Variants in FOCAD observed in about 807,000 individuals in gnomAD.
The protein encoded by FOCAD is focadhesin.
Under a neutral mutation model 225.6 loss-of-function variants are expected in FOCAD, and 198 were observed. The ratio of observed to expected loss-of-function variants is 0.88; its 90% CI spans 0.78 to 0.99. The LOEUF is 0.99. Among genes scored for constraint, FOCAD ranks in the 50% least tolerant of loss-of-function variants. The probability of loss-of-function intolerance (pLI) is 0.00; values close to 1 mark genes in which losing one functional copy is unlikely to be tolerated. For missense variants in FOCAD, 2,713 were observed against 2,123.6 expected, an observed-to-expected ratio of 1.28 and a Z score of -5.46; for synonymous variants, 897 against 755.0, an observed-to-expected ratio of 1.19 and a Z score of -3.08.
chr9:20,901,807 A>T (rs186529507), intron 21 of FOCAD, among the ~76,000 whole-genome samples: 83 of 152,080 alleles, frequency 5.5e-4, no homozygotes, highest in Non-Finnish European at 1.8e-4. Flanking sequence ...TTCAATATAT[A>T]AAAATTATAA....
intron 19 of FOCAD, among the ~76,000 whole-genome samples, chr9:20,877,909 A>AAAC (rs1564102701): frequency 1.2e-4 from 17 of 147,694 alleles, no homozygotes; most frequent in South Asian, 2.1e-4. Flanking sequence ...CCATCTCAAA[A>AAAC]AAACAAACAA....
At chr9:20,940,351 A>G (rs867267377) in intron 28 of FOCAD, among the ~76,000 whole-genome samples, 6 of 150,818 alleles carry the variant, frequency 4.0e-5, no homozygotes, top group Admixed American at 6.6e-5. Flanking sequence ...TGATACCACA[A>G]TCATGGCTTA....
chr9:20,787,657 A>G (rs1820060790), intron 10 of FOCAD, among the ~76,000 whole-genome samples: 1 of 152,188 alleles, frequency 6.6e-6, no homozygotes, highest in Non-Finnish European at 1.5e-5. Context: ...ATTGCATATA[A>G]TGAATGCAGC....
Position 20,720,467 on chromosome 9 carries a change from G to A in FOCAD, c.220G>A (p.Val74Ile). The A allele has an allele frequency of 4.3e-6, 7 of 1,614,036 alleles. No individual in the cohort carries two copies. The highest frequency in any genetic ancestry group is 5.9e-6 in the Non-Finnish European group (7 of 1,179,954). Residue 74 changes from valine (V) to isoleucine (I), a missense_variant, in exon 4 of 44, where the codon GTT becomes ATT. Val to Ile is a conservative substitution (Grantham distance 29). Coordinates refer to ENST00000338382, the MANE Select transcript of FOCAD (RefSeq NM_001375567.1). ...TACCEGLVAL[V>I]AQDHAEFSYV... ...CTGCTGTGAAGGTCTGGTGGCACTC[G>A]TTGCTCAGGATCATGCAGAGTTCAG...
intron 2 of FOCAD, among the ~76,000 whole-genome samples, chr9:20,661,640 A>T (rs543804248): frequency 1.3e-5 from 2 of 152,300 alleles, no homozygotes; most frequent in Non-Finnish European, 2.9e-5. Flanking sequence ...ACTGGGAAAA[A>T]GAGGTCAATA....
At chr9:20,901,302 T>C (rs1440065948) in intron 21 of FOCAD, among the ~76,000 whole-genome samples, 3 of 151,638 alleles carry the variant, frequency 2.0e-5, no homozygotes, top group Non-Finnish European at 2.9e-5. Context: ...GTTAAATACA[T>C]TTATTTTGAT....
At chr9:20,953,187 C>T (rs1024711970) in intron 35 of FOCAD, 122 bp downstream of exon 35, 9 of 738,214 alleles carry the variant, frequency 1.2e-5, no homozygotes, top group East Asian at 2.7e-5. Context: ...TGAATATTTT[C>T]GTCTGCTAAA....
In FOCAD at chr9:20,820,358, T is replaced by C. The variant is rs1824185384; in HGVS notation, c.1595T>C (p.Leu532Pro). The C allele has an allele frequency of 1.2e-6, 2 of 1,612,594 alleles. No individual in the cohort carries two copies. The highest frequency in any genetic ancestry group is 2.7e-5 in the African/African-American group (2 of 74,820). ...GGACAAATTCTACGAATAATACAAC[T>C]ACTTGGAACCACACCACGACTAAGA... ...CIGQILRIIQ[L>P]LGTTPRLRAV... Residue 532 changes from leucine (L) to proline (P), a missense_variant, in exon 13 of 44, where the codon CTA (leucine) becomes CCA (proline). By Grantham distance (98) the Leu-to-Pro change is moderately conservative. Coordinates refer to ENST00000338382, the MANE Select transcript of FOCAD (RefSeq NM_001375567.1).
At chr9:20,908,345 G>C (rs12685392) in intron 22 of FOCAD, among the ~76,000 whole-genome samples, 2 of 152,008 alleles carry the variant, frequency 1.3e-5, no homozygotes, top group Admixed American at 6.6e-5. Context: ...AGGAATGACT[G>C]TCTGGGCAAT....
chr9:20,930,208 G>A (rs1191783747), intron 27 of FOCAD, among the ~76,000 whole-genome samples: 1 of 152,058 alleles, frequency 6.6e-6, no homozygotes, highest in East Asian at 1.9e-4. Context: ...ACCCTTGAAT[G>A]GAGCTAATGG....
At position 20,717,867 on chromosome 9, in the gene FOCAD, A is replaced by G; in HGVS notation, c.131A>G (p.Gln44Arg). 1 of 1,611,336 alleles carries G rather than the reference A, an allele frequency of 6.2e-7. No individual in the cohort carries two copies. Among genetic ancestry groups the G allele is most frequent in the Non-Finnish European group, 8.5e-7 (1 of 1,178,398 alleles). Residue 44 changes from glutamine (Q) to arginine (R), a missense_variant and splice_region_variant, in exon 3 of 44, where the codon CAG (glutamine) becomes CGG (arginine). By Grantham distance (43) the Gln-to-Arg change is conservative. Coordinates refer to ENST00000338382, the MANE Select transcript of FOCAD (RefSeq NM_001375567.1). The stretch of plus-strand genomic sequence containing the variant: ...GAAAAGATTCACCAATCTACAAATC[A>G]GGTCTGTGTTTAACTTTATGCTTTA... ...FSEKIHQSTNQTPALNLLWEK... is the reference protein window; with the variant it reads ...FSEKIHQSTNRTPALNLLWEK...
chr9:20,931,012 G>A (rs557141367), intron 27 of FOCAD, among the ~76,000 whole-genome samples: 1 of 152,286 alleles, frequency 6.6e-6, no homozygotes, highest in African/African-American at 2.4e-5. Context: ...AACTAAAAAT[G>A]AGCCGTAGCA....
chr9:20,907,198 G>C lies in FOCAD; in HGVS notation c.2674G>C (p.Ala892Pro). ...GCACCGTGCAATTTTTCTTCCACAG[G>C]CCTGGCTTGCATACATGAATCGAGC... ...EWHRAIFLPQ[A>P]WLAYMNRAYH... The change falls in exon 22 of 44, where the codon GCC (alanine) becomes CCC (proline). Residue 892 changes from alanine to proline, a missense_variant. Transcript: ENST00000338382. 6.2e-7 allele frequency: 1 copy of C among 1,613,120 alleles called. No homozygotes were observed. The highest frequency in any genetic ancestry group is 8.5e-7 in the Non-Finnish European group (1 of 1,179,498).
At chr9:20,965,908 G>A (rs565667568) in intron 35 of FOCAD, among the ~76,000 whole-genome samples, 27 of 152,236 alleles carry the variant, frequency 1.8e-4, no homozygotes, top group African/African-American at 6.5e-4. Context: ...GCATGGGTAT[G>A]CCACATTTTA....
chr9:20,807,055 C>T (rs1056517159), intron 11 of FOCAD, among the ~76,000 whole-genome samples: 6 of 152,170 alleles, frequency 3.9e-5, no homozygotes, highest in African/African-American at 1.2e-4. Context: ...AACAAAACAA[C>T]CCACCTCATT....
intron 22 of FOCAD, among the ~76,000 whole-genome samples, chr9:20,908,716 C>G (rs1833185469): frequency 6.6e-6 from 1 of 152,116 alleles, no homozygotes; most frequent in Admixed American, 6.6e-5. Context: ...ACTCATGTCT[C>G]TATATTTCTT....
At chr9:20,834,459 A>C (rs1825806251) in intron 15 of FOCAD, among the ~76,000 whole-genome samples, 1 of 152,096 alleles carries the variant, frequency 6.6e-6, no homozygotes. Context: ...AAGTTGGAAA[A>C]AAGAAAAGAA....
chr9:20,736,607 C>G (rs1827170144), intron 4 of FOCAD, among the ~76,000 whole-genome samples: 1 of 152,174 alleles, frequency 6.6e-6, no homozygotes, highest in East Asian at 1.9e-4. Context: ...TTCATTAACT[C>G]TGATGCCTGT....
intron 11 of FOCAD, among the ~76,000 whole-genome samples, chr9:20,802,370 A>G (rs993089114): frequency 6.6e-6 from 1 of 152,146 alleles, no homozygotes; most frequent in Non-Finnish European, 1.5e-5. Context: ...AAGTAAGGAC[A>G]AAGTGTCTTT....
Sources: allele counts gnomAD v4.1 joint callset (sites outside exome capture counted in the v4.1 genomes callset), GRCh38; gene constraint gnomAD v4.1.1; transcripts MANE v1.5; gene names NCBI Gene and HGNC (gene_info 2026-07-23, HGNC 2026-07-21).